MS4A15: variants seen among roughly 807,000 people sequenced by gnomAD.
The protein encoded by MS4A15 is membrane-spanning 4-domains subfamily A member 15.
A neutral mutation model predicts 20.6 loss-of-function variants in MS4A15; 22 were observed. That is an observed-to-expected ratio of 1.07 (90% CI 0.76 to 1.52). MS4A15 has a LOEUF of 1.52. MS4A15 is among the 40% of genes most tolerant of loss of function. The pLI is 0.00. For synonymous variants in MS4A15, 129 were observed against 129.3 expected (o/e 1.00, Z 0.02); for missense variants, 312 against 323.0 (o/e 0.97, Z 0.26).
intron 5 of MS4A15, 66 bp from the exon 6 acceptor site, chr11:60,773,771 T>A (rs534147168): frequency 1.5e-6 from 2 of 1,370,074 alleles, no homozygotes; most frequent in African/African-American, 2.9e-5. Context: ...GGCAAGTGGT[T>A]CTCACTCGGG....
At chr11:60,760,795 G>A (rs997801351) in intron 1 of MS4A15, among the ~76,000 whole-genome samples, 2 of 152,172 alleles carry the variant, frequency 1.3e-5, no homozygotes, top group Non-Finnish European at 2.9e-5. Context: ...CTCGAGAACA[G>A]GACCTGTCAT....
In MS4A15 at chr11:60,763,977, C is replaced by A; in HGVS notation, c.225+19C>A. 6.3e-7 allele frequency: 1 copy of A among 1,596,666 alleles called. No individual in the cohort carries two copies. The highest frequency in any genetic ancestry group is 8.6e-7 in the Non-Finnish European group (1 of 1,169,556). On this transcript the variant is annotated intron_variant, in intron 2 of 6. Coordinates refer to ENST00000405633, the MANE Select transcript of MS4A15 (RefSeq NM_001098835.2). ...TTTGGGGGTAAGAACAGCCTCTCTGCACAACCTGAGGCAGGTAGTGAGTAT... is the reference window on the plus strand; with the variant it reads ...TTTGGGGGTAAGAACAGCCTCTCTGAACAACCTGAGGCAGGTAGTGAGTAT...
Position 60,763,867 on chromosome 11 carries a change from C to T in MS4A15, c.134C>T (p.Pro45Leu), listed in dbSNP as rs1254700222. The change falls in exon 2 of 7, where the codon CCA becomes CTA. Residue 45 changes from proline (P) to leucine (L), a missense_variant. Coordinates refer to ENST00000405633, the MANE Select transcript of MS4A15 (RefSeq NM_001098835.2). ...CCAGGGATTATGCAGTTTGAGGAGCCACCGCTGGGGGCACAGACACCAAGG... is the reference window on the plus strand; with the variant it reads ...CCAGGGATTATGCAGTTTGAGGAGCTACCGCTGGGGGCACAGACACCAAGG... ...QPPGIMQFEEPPLGAQTPRAT... is the reference protein window; with the variant it reads ...QPPGIMQFEELPLGAQTPRAT... 4.3e-6 allele frequency: 7 copies of T among 1,612,826 alleles called. No homozygotes were observed. The highest frequency in any genetic ancestry group is 2.7e-5 in the African/African-American group (2 of 74,868).
intron 1 of MS4A15, among the ~76,000 whole-genome samples, chr11:60,758,660 A>G (rs1457088841): frequency 2.6e-5 from 4 of 152,226 alleles, no homozygotes; most frequent in African/African-American, 9.6e-5. Context: ...ATACTCTTCT[A>G]GCTTGTGCTC....
In MS4A15 at chr11:60,763,687, G is replaced by T. The variant is rs773346175; in HGVS notation, c.-28-19G>T. 8 of 1,591,344 alleles carry T rather than the reference G, an allele frequency of 5.0e-6. No homozygotes were observed. The highest frequency in any genetic ancestry group is 1.3e-5 in the African/African-American group (1 of 74,496). ...ATGCACATGGGTGACAATCATCATTGCCATTATTATCTCCCAAGCCTTTGT... is the reference window on the plus strand; with the variant it reads ...ATGCACATGGGTGACAATCATCATTTCCATTATTATCTCCCAAGCCTTTGT... On this transcript the variant is annotated intron_variant, in intron 1 of 6. Transcript: ENST00000405633.
chr11:60,772,802 C>T (rs570840435), intron 4 of MS4A15, among the ~76,000 whole-genome samples: 2 of 152,284 alleles, frequency 1.3e-5, no homozygotes, highest in South Asian at 4.1e-4. Flanking sequence ...TTGCCCTGCA[C>T]GCTCTTTAGA....
At chr11:60,775,502 G>C in intron 6 of MS4A15, 103 bp from the exon 7 acceptor site, 1 of 873,568 alleles carries the variant, frequency 1.1e-6, no homozygotes, top group Non-Finnish European at 1.8e-6. Flanking sequence ...GCGGAATTCA[G>C]TACCAGGGCG....
intron 6 of MS4A15, among the ~76,000 whole-genome samples, chr11:60,775,248 C>G (rs950192786): frequency 6.6e-6 from 1 of 150,870 alleles, no homozygotes; most frequent in Non-Finnish European, 1.5e-5. Flanking sequence ...ACCCAAGAGG[C>G]GGAGGTTGCA....
intron 2 of MS4A15, 113 bp downstream of exon 2, chr11:60,764,071 C>A: frequency 1.0e-5 from 10 of 967,166 alleles, no homozygotes; most frequent in Non-Finnish European, 1.5e-5. Flanking sequence ...GTAGTAATGA[C>A]TCAAAGATTC....
intron 4 of MS4A15, chr11:60,771,829 G>C: frequency 8.6e-7 from 1 of 1,166,718 alleles, no homozygotes; most frequent in Non-Finnish European, 1.1e-6. Flanking sequence ...ATTGTGGAGG[G>C]CTTGGTGCCT....
At chr11:60,774,496 C>CG (rs1278703872) in intron 6 of MS4A15, among the ~76,000 whole-genome samples, 1 of 152,216 alleles carries the variant, frequency 6.6e-6, no homozygotes, top group Non-Finnish European at 1.5e-5. Context: ...GGTGCACCAG[C>CG]ACCCACAGGG....
In MS4A15 at chr11:60,763,880, A is replaced by T. The variant is rs775091471; in HGVS notation, c.147A>T (p.Ala49=). The change falls in exon 2 of 7, where the codon GCA becomes GCT. Residue 49 remains alanine (A), a synonymous_variant. Transcript: ENST00000405633. ...AGTTTGAGGAGCCACCGCTGGGGGC[A>T]CAGACACCAAGGGCCACACAGCCAC... ...IMQFEEPPLG[A]QTPRATQPPD... is the part of the protein sequence containing the mutation. The T allele has an allele frequency of 6.2e-7, 1 of 1,613,070 alleles. No homozygotes were observed. The highest frequency in any genetic ancestry group is 8.5e-7 in the Non-Finnish European group (1 of 1,179,884).
intron 1 of MS4A15, among the ~76,000 whole-genome samples, chr11:60,762,375 C>T (rs1368824593): frequency 1.3e-5 from 2 of 152,112 alleles, no homozygotes; most frequent in African/African-American, 4.8e-5. Flanking sequence ...TAATAGCTCC[C>T]AATATGCTTG....
At chr11:60,759,957 CGG>C (rs1853693402) in intron 1 of MS4A15, among the ~76,000 whole-genome samples, 1 of 152,138 alleles carries the variant, frequency 6.6e-6, no homozygotes, top group Non-Finnish European at 1.5e-5. Context: ...ACTCGGAGAC[CGG>C]CGCCGGTGCA....
At chr11:60,769,799 C>T (rs939419416) in intron 3 of MS4A15, among the ~76,000 whole-genome samples, 4 of 152,160 alleles carry the variant, frequency 2.6e-5, no homozygotes, top group African/African-American at 9.7e-5. Context: ...CGCGCCGGAT[C>T]ACCCTCCAGA....
chr11:60,773,877 C>G lies in MS4A15; in HGVS notation c.539C>G (p.Thr180Ser), dbSNP rs1802717336. 6.2e-7 allele frequency: 1 copy of G among 1,614,094 alleles called. No homozygotes were observed. The highest frequency in any genetic ancestry group is 8.5e-7 in the Non-Finnish European group (1 of 1,180,046). ...TATCTGGCCGTGCTTACTATCTTCA[C>G]TGTCCTGGAGTTCTTCACAGCGGTC... is the stretch of plus-strand genomic sequence containing the variant. The part of the protein sequence containing the change: ...RGYLAVLTIF[T>S]VLEFFTAVIA... Residue 180 changes from threonine (T) to serine (S), a missense_variant, in exon 6 of 7, where the codon ACT becomes AGT. Coordinates refer to ENST00000405633, the MANE Select transcript of MS4A15 (RefSeq NM_001098835.2).
intron 4 of MS4A15, among the ~76,000 whole-genome samples, chr11:60,772,131 C>T (rs1170156069): frequency 6.6e-6 from 1 of 152,150 alleles, no homozygotes; most frequent in East Asian, 1.9e-4. Context: ...GGAACCGAGT[C>T]TTCACAGTTC....
intron 6 of MS4A15, 82 bp downstream of exon 6, chr11:60,774,032 T>C: frequency 9.6e-7 from 1 of 1,036,668 alleles, no homozygotes; most frequent in Non-Finnish European, 1.5e-6. Flanking sequence ...GAGCGCGCTC[T>C]GCCTCCAGAC....
chr11:60,768,760 A>C (rs1853947857), intron 3 of MS4A15, among the ~76,000 whole-genome samples: 1 of 152,252 alleles, frequency 6.6e-6, no homozygotes, highest in South Asian at 2.1e-4. Flanking sequence ...ATTCTGCACC[A>C]AATGGTGACT....
Sources: allele counts gnomAD v4.1 joint callset (sites outside exome capture counted in the v4.1 genomes callset), GRCh38; gene constraint gnomAD v4.1.1; transcripts MANE v1.5; gene names NCBI Gene and HGNC (gene_info 2026-07-23, HGNC 2026-07-21).